The following GPR158 variants were observed in gnomAD, a reference collection of about 807,000 sequenced individuals.
The protein encoded by GPR158 is metabotropic glycine receptor.
Under a neutral mutation model 78.2 loss-of-function variants are expected in GPR158, and 30 were observed. The observed-to-expected ratio is 0.38, with a 90% confidence interval of 0.29 to 0.52. The LOEUF is 0.52. Ranked by LOEUF, GPR158 falls within the 20% of genes least tolerant of loss-of-function variation. GPR158 has a pLI of 0.83. For missense variants in GPR158, 1,463 were observed against 1,523.5 expected (o/e 0.96, Z 0.66); for synonymous variants, 581 against 591.1 (o/e 0.98, Z 0.25).
At chr10:25,239,320 G>A (rs61325538) in intron 2 of GPR158, among the ~76,000 whole-genome samples, 3,138 of 152,172 alleles carry the variant, frequency 0.021, 113 homozygotes, top group African/African-American at 0.072. Flanking sequence ...AACAATAGGG[G>A]CCAGGCATGG....
intron 4 of GPR158, among the ~76,000 whole-genome samples, chr10:25,419,686 TA>T (rs1834719908): frequency 6.6e-6 from 1 of 152,206 alleles, no homozygotes; most frequent in Non-Finnish European, 1.5e-5. Flanking sequence ...GTTGTTGTTT[TA>T]GTATTAGCCA....
intron 2 of GPR158, among the ~76,000 whole-genome samples, chr10:25,312,694 C>T (rs1358878169): frequency 6.6e-6 from 1 of 152,040 alleles, no homozygotes; most frequent in Non-Finnish European, 1.5e-5. Context: ...CGCATACTTT[C>T]CTATTTGTTG....
In GPR158 at chr10:25,236,228, G is replaced by A. The variant is rs188247786; in HGVS notation, c.1008+15071G>A. On this transcript the variant is annotated intron_variant, in intron 2 of 10. Transcript: ENST00000376351. Reference sequence around the variant, plus strand: ...GCTTTCAAAAATCTAAATTTTGGCCGGGCGTGGTGGCTCACACCTGTAATG... The same window carrying A: ...GCTTTCAAAAATCTAAATTTTGGCCAGGCGTGGTGGCTCACACCTGTAATG... Among the ~76,000 whole-genome samples, 860 of 152,132 alleles carry A rather than the reference G, an allele frequency of 5.7e-3. 3 individuals are homozygous for A. Among genetic ancestry groups the A allele is most frequent in the Non-Finnish European group, 9.6e-3 (652 of 67,992 alleles).
At chr10:25,325,488 CACACT>C (rs1353215191) in intron 2 of GPR158, among the ~76,000 whole-genome samples, 2 of 151,982 alleles carry the variant, frequency 1.3e-5, no homozygotes, top group African/African-American at 4.8e-5. Context: ...CACACACACA[CACACT>C]ACGTTTGCTT....
intron 4 of GPR158, among the ~76,000 whole-genome samples, chr10:25,464,706 T>C (rs536148685): frequency 2.6e-5 from 4 of 152,214 alleles, no homozygotes; most frequent in Non-Finnish European, 5.9e-5. Context: ...CAGCTTTTCA[T>C]GTCCTCTTGT....
intron 7 of GPR158, among the ~76,000 whole-genome samples, chr10:25,575,080 A>G (rs1306176363): frequency 1.3e-5 from 2 of 151,710 alleles, no homozygotes; most frequent in Non-Finnish European, 2.9e-5. Context: ...AAAAAAAAAA[A>G]ATAGTGAAGG....
intron 5 of GPR158, among the ~76,000 whole-genome samples, chr10:25,487,769 A>G (rs1835754651): frequency 6.6e-6 from 1 of 152,150 alleles, no homozygotes; most frequent in South Asian, 2.1e-4. Flanking sequence ...AGAAATTGAA[A>G]GTTTTGACAA....
At chr10:25,516,279 C>T (rs1216374373) in intron 5 of GPR158, among the ~76,000 whole-genome samples, 2 of 148,114 alleles carry the variant, frequency 1.4e-5, no homozygotes, top group Non-Finnish European at 3.0e-5. Flanking sequence ...AGCCCTTTGT[C>T]AGATGAGTAG....
chr10:25,253,202 C>G (rs893724391), intron 2 of GPR158, among the ~76,000 whole-genome samples: 3 of 145,150 alleles, frequency 2.1e-5, no homozygotes, highest in Non-Finnish European at 4.6e-5. Context: ...CACTGGCCTG[C>G]GCCCACTGTC....
intron 1 of GPR158, among the ~76,000 whole-genome samples, chr10:25,183,696 T>A (rs770275855): frequency 1.3e-5 from 2 of 152,212 alleles, no homozygotes; most frequent in Non-Finnish European, 2.9e-5. Context: ...ACCTGTCCGA[T>A]TGGCAAAGTA....
chr10:25,457,245 T>C (rs1231081644), intron 4 of GPR158, among the ~76,000 whole-genome samples: 1 of 145,808 alleles, frequency 6.9e-6, no homozygotes, highest in East Asian at 2.1e-4. Flanking sequence ...TCCACCGGCC[T>C]TGGCCTCCCA....
intron 2 of GPR158, among the ~76,000 whole-genome samples, chr10:25,369,060 A>AT (rs968514738): frequency 7.9e-5 from 12 of 151,030 alleles, no homozygotes; most frequent in African/African-American, 2.9e-4. Flanking sequence ...TCAGCTTGAG[A>AT]TTTTGGGCTG....
chr10:25,340,331 G>A (rs1855285250), intron 2 of GPR158, among the ~76,000 whole-genome samples: 1 of 152,050 alleles, frequency 6.6e-6, no homozygotes, highest in African/African-American at 2.4e-5. Context: ...CCAGAAGTGG[G>A]GGTTCCAAAA....
intron 5 of GPR158, among the ~76,000 whole-genome samples, chr10:25,471,477 T>C (rs76768395): frequency 0.15 from 22,124 of 152,214 alleles, 1,783 homozygotes; most frequent in East Asian, 0.19. Flanking sequence ...ATATACCCAG[T>C]AATATGGGAT....
At chr10:25,323,683 CTTT>C (rs75076220) in intron 2 of GPR158, among the ~76,000 whole-genome samples, 2,277 of 142,722 alleles carry the variant, frequency 0.016, 68 homozygotes, top group African/African-American at 0.055. Flanking sequence ...CCAGCTATTA[CTTT>C]TTTTTTTTTT....
At chr10:25,563,984 A>G (rs949748174) in intron 6 of GPR158, among the ~76,000 whole-genome samples, 15 of 151,712 alleles carry the variant, frequency 9.9e-5, no homozygotes, top group African/African-American at 3.4e-4. Context: ...AACATTTTGA[A>G]TATTATATTA....
At chr10:25,180,459 C>T (rs1018710817) in intron 1 of GPR158, among the ~76,000 whole-genome samples, 1 of 152,086 alleles carries the variant, frequency 6.6e-6, no homozygotes, top group Non-Finnish European at 1.5e-5. Context: ...CTCTTGATTC[C>T]CCAATTTTGT....
intron 1 of GPR158, among the ~76,000 whole-genome samples, chr10:25,194,922 A>G (rs1457426497): frequency 1.3e-5 from 2 of 152,126 alleles, no homozygotes; most frequent in African/African-American, 4.8e-5. Context: ...AAAGATAATA[A>G]CATTTGTATT....
At chr10:25,345,707 A>G (rs1855362914) in intron 2 of GPR158, among the ~76,000 whole-genome samples, 1 of 151,920 alleles carries the variant, frequency 6.6e-6, no homozygotes, top group Admixed American at 6.6e-5. Flanking sequence ...ATTGACTTTC[A>G]TCGCAGTTTT....
Sources: allele counts gnomAD v4.1 joint callset (sites outside exome capture counted in the v4.1 genomes callset), GRCh38; gene constraint gnomAD v4.1.1; transcripts MANE v1.5; gene names NCBI Gene and HGNC (gene_info 2026-07-23, HGNC 2026-07-21).